ARHGAP39: variants seen among roughly 807,000 people sequenced by gnomAD.
ARHGAP39 encodes the protein Rho GTPase activating protein 39.
Under a neutral mutation model 106.9 loss-of-function variants are expected in ARHGAP39, and 44 were observed. That is an observed-to-expected ratio of 0.41 (90% CI 0.32 to 0.53). The LOEUF (loss-of-function observed/expected upper bound fraction) is 0.53, where lower values mean the gene tolerates loss of function less well. Ranked by LOEUF, ARHGAP39 falls within the 20% of genes least tolerant of loss-of-function variation. ARHGAP39 has a pLI of 0.21. For missense variants in ARHGAP39, 1,496 were observed against 1,577.3 expected, an observed-to-expected ratio of 0.95 and a Z score of 0.87; for synonymous variants, 768 against 693.2, an observed-to-expected ratio of 1.11 and a Z score of -1.69.
intron 1 of ARHGAP39, among the ~76,000 whole-genome samples, chr8:144,623,577 A>C (rs994490077): frequency 1.3e-5 from 2 of 152,388 alleles, no homozygotes; most frequent in South Asian, 2.1e-4. Context: ...CGGCACAGAC[A>C]CAAAGCAGGC....
intron 3 of ARHGAP39, among the ~76,000 whole-genome samples, chr8:144,569,323 T>C (rs758935364): frequency 1.3e-5 from 2 of 152,196 alleles, no homozygotes; most frequent in Admixed American, 6.5e-5. Flanking sequence ...GAAATAAAAA[T>C]GTATGTCCAA....
Position 144,545,775 on chromosome 8 carries a change from GCTCT to G in ARHGAP39, c.1991_1994del (p.Glu664AlafsTer67). 6.3e-7 allele frequency: 1 copy of G among 1,592,230 alleles called. No homozygotes were observed. The highest frequency in any genetic ancestry group is 8.5e-7 in the Non-Finnish European group (1 of 1,169,644). The stretch of plus-strand genomic sequence containing the variant: ...GAACGCCGCTGCGGCTCTGCCGGCT[GCTCT>G]CGAACTGGGCACAGGCAGCGAGGTC... On this transcript the variant is annotated frameshift_variant, in exon 6 of 12. Coordinates refer to ENST00000377307, the MANE Select transcript of ARHGAP39 (RefSeq NM_025251.3). LOFTEE classifies it high-confidence loss of function.
chr8:144,618,111 T>C (rs1820686531), intron 1 of ARHGAP39, among the ~76,000 whole-genome samples: 1 of 152,204 alleles, frequency 6.6e-6, no homozygotes, highest in Admixed American at 6.5e-5. Context: ...GAATAGAATA[T>C]TTTAATTTTT....
rs1305895460 is a variant in ARHGAP39, at chr8:144,581,008, C to G, written c.350G>C (p.Arg117Pro). ...CCCGGGGCTGCTCTCCGCCGAGGCG[C>G]GCGGGGACTCCGTGTTCTGCTTCAG... ...QTLKQNTESP[R>P]ASAESSPGRG... Residue 117 changes from arginine to proline, a missense_variant, in exon 3 of 12, where the codon CGC becomes CCC. By Grantham distance (103) the Arg-to-Pro change is moderately radical (BLOSUM62 -2). Transcript: ENST00000377307. 1 of 1,590,842 alleles carries G rather than the reference C, an allele frequency of 6.3e-7. No individual in the cohort carries two copies. Among genetic ancestry groups the G allele is most frequent in the Non-Finnish European group, 8.6e-7 (1 of 1,169,266 alleles).
In ARHGAP39 at chr8:144,647,631, G is replaced by C. The variant is rs914991440; in HGVS notation, c.-82+38055C>G. 6.6e-6 allele frequency among the ~76,000 whole-genome samples: 1 copy of C among 152,250 alleles called. No homozygotes were observed. Among genetic ancestry groups the C allele is most frequent in the African/African-American group, 2.4e-5 (1 of 41,456 alleles). ...AACGACTTTACACCAGATCAGGTCA[G>C]GACCTTTGGTGGGTGAGGGAAGGAA... On this transcript the variant is annotated intron_variant, in intron 1 of 11. Transcript: ENST00000377307. The surrounding 1 kb of genome is among the most constrained non-coding windows in gnomAD (Gnocchi z 4.8).
At chr8:144,696,559 C>T in the ARHGAP39 span, among the ~76,000 whole-genome samples, 4 of 152,148 alleles carry the variant, frequency 2.6e-5, no homozygotes, top group Non-Finnish European at 5.9e-5. Flanking sequence ...TTGCCCGTCA[C>T]GGTTACAAAG....
rs897618879 is a variant in ARHGAP39, at chr8:144,679,756, G to A, written c.-82+5930C>T. On this transcript the variant is annotated intron_variant, in intron 1 of 11. Coordinates refer to ENST00000377307, the MANE Select transcript of ARHGAP39 (RefSeq NM_025251.3). The surrounding 1 kb of genome is among the most constrained non-coding windows in gnomAD (Gnocchi z 4.7). ...AGCACTTTGGGAGGCCAAGGCGGGC[G>A]GATCACGAGGTCAGGAGATCGAGAC... 3.3e-5 allele frequency among the ~76,000 whole-genome samples: 5 copies of A among 152,274 alleles called. No individual in the cohort carries two copies. The East Asian group carries it at 9.6e-4, about 29-fold the overall frequency.
intron 1 of ARHGAP39, among the ~76,000 whole-genome samples, chr8:144,617,994 C>G (rs575790907): frequency 6.6e-6 from 1 of 152,110 alleles, no homozygotes; most frequent in Non-Finnish European, 1.5e-5. Context: ...GCTGCCCAGG[C>G]TGGCCTTGAA....
chr8:144,538,186 C>T (rs576143473), intron 6 of ARHGAP39, among the ~76,000 whole-genome samples: 7 of 152,236 alleles, frequency 4.6e-5, no homozygotes, highest in African/African-American at 9.6e-5. Flanking sequence ...CCCTGCCTGC[C>T]GGTCAGAAAA....
rs149100521 is a variant in ARHGAP39 at position 144,639,092 on chromosome 8, C to T, written c.-81-33397G>A. On this transcript the variant is annotated intron_variant, in intron 1 of 11. Coordinates refer to ENST00000377307, the MANE Select transcript of ARHGAP39 (RefSeq NM_025251.3). Reference sequence around the variant, plus strand: ...CTGTAATCCCGACACTTTGGGAGGCCGAGGCAGGTAGATCACTTGAGGTCA... The same window carrying T: ...CTGTAATCCCGACACTTTGGGAGGCTGAGGCAGGTAGATCACTTGAGGTCA... Among the ~76,000 whole-genome samples the T allele has an allele frequency of 5.0e-3, 765 of 152,092 alleles. 6 individuals carry two copies. Among genetic ancestry groups the T allele is most frequent in the African/African-American group, 0.017 (719 of 41,498 alleles).
the ARHGAP39 span, among the ~76,000 whole-genome samples, chr8:144,692,485 A>G: frequency 5.9e-5 from 9 of 152,198 alleles, no homozygotes; most frequent in African/African-American, 2.2e-4. Context: ...CAGTGAAGCG[A>G]TTACTTGCTT....
intron 4 of ARHGAP39, among the ~76,000 whole-genome samples, chr8:144,554,352 C>T (rs892806334): frequency 5.3e-5 from 8 of 152,206 alleles, no homozygotes; most frequent in Non-Finnish European, 1.2e-4. Context: ...GCCAGAAGGT[C>T]CTCCTCACCT....
At chr8:144,628,288 C>A (rs1820975917) in intron 1 of ARHGAP39, among the ~76,000 whole-genome samples, 1 of 152,056 alleles carries the variant, frequency 6.6e-6, no homozygotes, top group Non-Finnish European at 1.5e-5. Context: ...TGTGGGCTGT[C>A]AGTGAACATT....
intron 1 of ARHGAP39, among the ~76,000 whole-genome samples, chr8:144,617,260 CCTT>C (rs1180858587): frequency 2.6e-5 from 4 of 151,964 alleles, no homozygotes; most frequent in African/African-American, 4.8e-5. Context: ...TTTCAGAAGT[CCTT>C]CTGAATAAAG....
At chr8:144,534,318 C>A in intron 7 of ARHGAP39, 116 bp from the exon 8 acceptor site, 1 of 1,112,502 alleles carries the variant, frequency 9.0e-7, no homozygotes, top group South Asian at 1.3e-5. Context: ...GGCCTTGCCC[C>A]GGTCACCCCC....
chr8:144,633,190 G>A (rs1821106269), intron 1 of ARHGAP39, among the ~76,000 whole-genome samples: 1 of 152,002 alleles, frequency 6.6e-6, no homozygotes, highest in Non-Finnish European at 1.5e-5. Flanking sequence ...CAGGCGCAGT[G>A]GCTCACGCCT....
At chr8:144,691,951 G>A in the ARHGAP39 span, among the ~76,000 whole-genome samples, 3 of 152,018 alleles carry the variant, frequency 2.0e-5, no homozygotes, top group African/African-American at 4.8e-5. Flanking sequence ...GTCCTAAACC[G>A]ATTCAAGGCA....
intron 8 of ARHGAP39, 133 bp downstream of exon 8, chr8:144,533,996 G>A (rs946640198): frequency 1.1e-5 from 11 of 1,013,778 alleles, no homozygotes; most frequent in Admixed American, 4.3e-5. Context: ...CCCGCCACCC[G>A]CCTAGGCGGG....
In ARHGAP39 at chr8:144,547,949, G is replaced by A. The variant is rs774074056; in HGVS notation, c.1137C>T (p.Pro379=). ...TGTACTCCAGGCTCAGGAAGCGCTC[G>A]GGACACTTCTGCTTGGTGAGCACCA... is the stretch of plus-strand genomic sequence containing the variant. ...QQLVLTKQKC[P]ERFLSLEYSP... is the part of the protein sequence containing the mutation. Residue 379 remains proline (P), a synonymous_variant, in exon 5 of 12, where the codon CCC becomes CCT. Coordinates refer to ENST00000377307, the MANE Select transcript of ARHGAP39 (RefSeq NM_025251.3). The surrounding 1 kb of genome is among the most constrained non-coding windows in gnomAD (Gnocchi z 5.2). 4 of 1,599,228 alleles carry A rather than the reference G, an allele frequency of 2.5e-6. No homozygotes were observed. The highest frequency in any genetic ancestry group is 3.4e-6 in the Non-Finnish European group (4 of 1,173,464).
Sources: allele counts gnomAD v4.1 joint callset (sites outside exome capture counted in the v4.1 genomes callset), GRCh38; gene constraint gnomAD v4.1.1; non-coding constraint Gnocchi (gnomAD v3.1); transcripts MANE v1.5; gene names NCBI Gene and HGNC (gene_info 2026-07-23, HGNC 2026-07-21).